Variants in KCNH8 observed in about 807,000 individuals in gnomAD.
KCNH8 encodes the protein voltage-gated delayed rectifier potassium channel KCNH8.
KCNH8 carries 70 observed loss-of-function variants against 103.6 expected under a neutral mutation model. The ratio of observed to expected loss-of-function variants is 0.68; its 90% CI spans 0.56 to 0.82. The LOEUF is 0.82. Among genes scored for constraint, KCNH8 ranks in the 40% least tolerant of loss-of-function variants. The pLI is 0.00. For synonymous variants in KCNH8, 498 were observed against 489.4 expected (o/e 1.02, Z -0.23); for missense variants, 1,217 against 1,329.9 (o/e 0.92, Z 1.32).
chr3:19,418,201 A>C (rs2066892146), intron 7 of KCNH8, among the ~76,000 whole-genome samples: 1 of 152,228 alleles, frequency 6.6e-6, no homozygotes, highest in South Asian at 2.1e-4. Context: ...GAAATCTCAC[A>C]GTGTATTTGA....
chr3:19,336,152 AT>A (rs2065582020), intron 3 of KCNH8, among the ~76,000 whole-genome samples: 1 of 151,820 alleles, frequency 6.6e-6, no homozygotes, highest in African/African-American at 2.4e-5. Context: ...TTTTTATATC[AT>A]GTATTTTGTA....
At chr3:19,499,359 A>T (rs1389289288) in intron 11 of KCNH8, among the ~76,000 whole-genome samples, 1 of 152,172 alleles carries the variant, frequency 6.6e-6, no homozygotes, top group African/African-American at 2.4e-5. Flanking sequence ...AAGTTGGAAA[A>T]CACTCTGCAG....
intron 3 of KCNH8, among the ~76,000 whole-genome samples, chr3:19,332,752 G>T (rs1426920905): frequency 6.6e-6 from 1 of 151,810 alleles, no homozygotes; most frequent in African/African-American, 2.4e-5. Context: ...CATGCCTCAG[G>T]CTCCTGAGTA....
intron 3 of KCNH8, among the ~76,000 whole-genome samples, chr3:19,338,129 CAA>C (rs1244499933): frequency 6.6e-6 from 1 of 151,938 alleles, no homozygotes. Context: ...CACTTATAGT[CAA>C]GAGCAAAAAT....
At chr3:19,363,319 G>C (rs528971497) in intron 5 of KCNH8, among the ~76,000 whole-genome samples, 1 of 152,214 alleles carries the variant, frequency 6.6e-6, no homozygotes, top group Admixed American at 6.5e-5. Flanking sequence ...TCTTCCATCA[G>C]CACTTCTAAG....
chr3:19,373,380 T>C (rs1354327723), intron 5 of KCNH8, among the ~76,000 whole-genome samples: 3 of 152,210 alleles, frequency 2.0e-5, no homozygotes, highest in Non-Finnish European at 4.4e-5. Context: ...TTCTTCTAGA[T>C]TTTCTAGTTT....
At chr3:19,494,569 G>C (rs993961742) in intron 11 of KCNH8, among the ~76,000 whole-genome samples, 1 of 152,088 alleles carries the variant, frequency 6.6e-6, no homozygotes, top group African/African-American at 2.4e-5. Flanking sequence ...TTTATCAACA[G>C]CATGAAAATG....
chr3:19,220,407 A>C (rs2063861319), intron 1 of KCNH8, among the ~76,000 whole-genome samples: 1 of 152,222 alleles, frequency 6.6e-6, no homozygotes. Flanking sequence ...GCTTGCAAAA[A>C]TAAATGCTGA....
intron 5 of KCNH8, among the ~76,000 whole-genome samples, chr3:19,375,720 T>C (rs1385246054): frequency 6.6e-6 from 1 of 152,180 alleles, no homozygotes; most frequent in East Asian, 1.9e-4. Context: ...TTCTGTTTTT[T>C]CCCCATCTTT....
At chr3:19,394,284 C>A (rs1278371165) in intron 6 of KCNH8, among the ~76,000 whole-genome samples, 1 of 151,974 alleles carries the variant, frequency 6.6e-6, no homozygotes, top group South Asian at 2.1e-4. Flanking sequence ...GTTATGTGCA[C>A]CCCTTATTAA....
chr3:19,478,120 A>T (rs2068014568), intron 11 of KCNH8, among the ~76,000 whole-genome samples: 1 of 152,096 alleles, frequency 6.6e-6, no homozygotes, highest in South Asian at 2.1e-4. Flanking sequence ...GTAGTATTCC[A>T]TGGTTTATAT....
chr3:19,234,967 G>GT (rs1388764022), intron 1 of KCNH8, among the ~76,000 whole-genome samples: 1 of 152,228 alleles, frequency 6.6e-6, no homozygotes, highest in Non-Finnish European at 1.5e-5. Context: ...AAGTAGCTGG[G>GT]TAAATAATTA....
chr3:19,355,855 A>C (rs562052739), intron 5 of KCNH8, among the ~76,000 whole-genome samples: 10 of 151,680 alleles, frequency 6.6e-5, no homozygotes, highest in African/African-American at 2.2e-4. Context: ...CACATTATGC[A>C]CATGTACCCT....
At chr3:19,360,967 G>A (rs1447312170) in intron 5 of KCNH8, among the ~76,000 whole-genome samples, 1 of 151,962 alleles carries the variant, frequency 6.6e-6, no homozygotes, top group Non-Finnish European at 1.5e-5. Context: ...ATTAATATAT[G>A]ACAACAGAAA....
At chr3:19,187,130 C>T (rs1009286742) in intron 1 of KCNH8, among the ~76,000 whole-genome samples, 4 of 151,858 alleles carry the variant, frequency 2.6e-5, no homozygotes, top group Non-Finnish European at 4.4e-5. Context: ...AAATCTAAGA[C>T]TAGTCCCTGC....
chr3:19,286,576 G>C (rs1328458731), intron 3 of KCNH8, among the ~76,000 whole-genome samples: 1 of 152,042 alleles, frequency 6.6e-6, no homozygotes, highest in Non-Finnish European at 1.5e-5. Context: ...TCATTGGATT[G>C]GTTCCACTAC....
At chr3:19,149,513 A>G (rs895226815) in intron 1 of KCNH8, among the ~76,000 whole-genome samples, 1 of 152,148 alleles carries the variant, frequency 6.6e-6, no homozygotes, top group African/African-American at 2.4e-5. Context: ...AGTAGGAAAA[A>G]AAATAGATAG....
At chr3:19,242,963 AGT>A (rs1456708785) in intron 1 of KCNH8, among the ~76,000 whole-genome samples, 1 of 152,172 alleles carries the variant, frequency 6.6e-6, no homozygotes, top group Non-Finnish European at 1.5e-5. Flanking sequence ...TGAACTCAGG[AGT>A]ATTACAGCTC....
At chr3:19,470,703 G>A (rs1481893917) in intron 11 of KCNH8, among the ~76,000 whole-genome samples, 1 of 152,160 alleles carries the variant, frequency 6.6e-6, no homozygotes, top group Non-Finnish European at 1.5e-5. Context: ...GAAAGAGGGT[G>A]GGTAGGCAGA....
Sources: allele counts gnomAD v4.1 joint callset (sites outside exome capture counted in the v4.1 genomes callset), GRCh38; gene constraint gnomAD v4.1.1; transcripts MANE v1.5; gene names NCBI Gene and HGNC (gene_info 2026-07-23, HGNC 2026-07-21).